Variants in PLAC8L1 observed in about 807,000 individuals in gnomAD.
PLAC8L1 encodes PLAC8 like 1.
Under a neutral mutation model 16.3 loss-of-function variants are expected in PLAC8L1, and 13 were observed. The ratio of observed to expected loss-of-function variants is 0.80; its 90% CI spans 0.52 to 1.27. The LOEUF (loss-of-function observed/expected upper bound fraction) is 1.27. Among genes scored for constraint, PLAC8L1 ranks in the 50% most tolerant of loss-of-function variants. PLAC8L1 has a pLI of 0.00. For missense variants in PLAC8L1, 184 were observed against 220.2 expected (o/e 0.84, Z 1.04); for synonymous variants, 78 against 79.3 (o/e 0.98, Z 0.09).
chr5:146,087,452 C>G (rs1361688915), intron 2 of PLAC8L1, among the ~76,000 whole-genome samples: 4 of 152,186 alleles, frequency 2.6e-5, no homozygotes, highest in Non-Finnish European at 5.9e-5. Context: ...AGACAGTTCT[C>G]CAAAGTATTT....
Position 146,104,757 on chromosome 5 carries a change from T to C in PLAC8L1, c.-446A>G, listed in dbSNP as rs539566728. The C allele has an allele frequency of 6.3e-6, 1 of 158,152 alleles. No homozygotes were observed. Among genetic ancestry groups the C allele is most frequent in the Non-Finnish European group, 1.4e-5 (1 of 72,466 alleles). 9.8% of individuals were successfully genotyped at this position (158,152 alleles called of 1,614,324 possible). ...GTCCAATTCAGCCAGATGATGCAAGTCCCATAGCCAACCCAAAAGCAGGAG... is the reference window on the plus strand; with the variant it reads ...GTCCAATTCAGCCAGATGATGCAAGCCCCATAGCCAACCCAAAAGCAGGAG... On this transcript the variant is annotated 5_prime_UTR_variant, in exon 1 of 4. Transcript: ENST00000311450.
At position 146,098,237 on chromosome 5, in the gene PLAC8L1, T is replaced by G; in HGVS notation, c.175A>C (p.Arg59=). The change falls in exon 2 of 4, where the codon AGG becomes CGG. Residue 59 remains arginine, a synonymous_variant. Transcript: ENST00000311450. ...TGGACAATTGCTGTGATTGTCGTCC[T>G]GCCACTGGCTCCCCGAACAGGCTGC... ...VKQPVRGASG[R]TTITAIVQTG... 1 of 1,614,184 alleles carries G rather than the reference T, an allele frequency of 6.2e-7. No individual in the cohort carries two copies.
Position 146,098,194 on chromosome 5 carries a change from C to T in PLAC8L1, c.218G>A (p.Ser73Asn), listed in dbSNP as rs1039149603. ...TCTGCAGACACTGAAGAGACCGGTGCTCCAGCCCCCGCCAGTCTGGACAAT... is the reference window on the plus strand; with the variant it reads ...TCTGCAGACACTGAAGAGACCGGTGTTCCAGCCCCCGCCAGTCTGGACAAT... ...TAIVQTGGGW[S>N]TGLFSVCRDR... The change falls in exon 2 of 4, where the codon AGC becomes AAC. Residue 73 changes from serine to asparagine, a missense_variant. Coordinates refer to ENST00000311450, the MANE Select transcript of PLAC8L1 (RefSeq NM_001029869.3). 2.5e-6 allele frequency: 4 copies of T among 1,614,072 alleles called. No individual in the cohort carries two copies. Among genetic ancestry groups the T allele is most frequent in the Non-Finnish European group, 3.4e-6 (4 of 1,179,974 alleles).
intron 1 of PLAC8L1, 50 bp from the exon 2 acceptor site, chr5:146,098,342 C>T: frequency 1.3e-6 from 2 of 1,587,878 alleles, no homozygotes; most frequent in Middle Eastern, 1.8e-4. Context: ...TGTTTCAGAA[C>T]AATAACCATT....
chr5:146,099,545 G>C (rs1258005925), intron 1 of PLAC8L1: 1 of 151,798 alleles, frequency 6.6e-6, no homozygotes, highest in Non-Finnish European at 1.5e-5. Flanking sequence ...TGTAGTCACA[G>C]CTATTCAGGA....
At chr5:146,098,674 G>GA (rs1561785264) in intron 1 of PLAC8L1, among the ~76,000 whole-genome samples, 2 of 152,176 alleles carry the variant, frequency 1.3e-5, no homozygotes, top group African/African-American at 4.8e-5. Flanking sequence ...TGGTTCTGAT[G>GA]AAAAAACTAC....
chr5:146,099,189 T>C (rs1054106269), intron 1 of PLAC8L1, among the ~76,000 whole-genome samples: 8 of 151,896 alleles, frequency 5.3e-5, no homozygotes, highest in Admixed American at 6.6e-5. Flanking sequence ...AAGAGTGGGG[T>C]AGAAGGGCCC....
rs372682134 is a variant in PLAC8L1, at chr5:146,085,933, CATCT to C, written c.257-340_257-337del. 5.5e-3 allele frequency among the ~76,000 whole-genome samples: 822 copies of C among 150,126 alleles called. 4 individuals are homozygous for C. Among genetic ancestry groups the C allele is most frequent in the African/African-American group, 0.019 (781 of 40,988 alleles). On this transcript the variant is annotated intron_variant, in intron 2 of 3. Coordinates refer to ENST00000311450, the MANE Select transcript of PLAC8L1 (RefSeq NM_001029869.3). ...TCATAACTGTTGCTTTCATTATGTT[CATCT>C]ATCTAATTTCAATATTTAAAATAAA...
chr5:146,096,567 C>A (rs1763721255), intron 2 of PLAC8L1, among the ~76,000 whole-genome samples: 1 of 152,122 alleles, frequency 6.6e-6, no homozygotes, highest in Non-Finnish European at 1.5e-5. Context: ...CGTTACATGG[C>A]CAGTAAGAGC....
rs1456366632 is a variant in PLAC8L1, at chr5:146,085,368, C to T, written c.393+93G>A. On this transcript the variant is annotated intron_variant, in intron 3 of 3. Coordinates refer to ENST00000311450, the MANE Select transcript of PLAC8L1 (RefSeq NM_001029869.3). ...AGCATGGTATGTTTCAACATCCTCA[C>T]CCACCCTTCTTTTATTTGGAAAATC... 11 of 1,399,800 alleles carry T rather than the reference C, an allele frequency of 7.9e-6. No individual in the cohort carries two copies. In the Admixed American group the frequency reaches 1.6e-4, roughly 21 times the overall value. 86.7% of individuals were successfully genotyped at this position (1,399,800 alleles called of 1,614,324 possible).
rs761242808 is a variant in PLAC8L1 at position 146,104,149 on chromosome 5, A to G, written c.119+44T>C. 8 of 1,604,040 alleles carry G rather than the reference A, an allele frequency of 5.0e-6. No individual in the cohort carries two copies. The East Asian group carries it at 1.3e-4, about 27-fold the overall frequency. On this transcript the variant is annotated intron_variant, in intron 1 of 3. Coordinates refer to ENST00000311450, the MANE Select transcript of PLAC8L1 (RefSeq NM_001029869.3). ...AAGTAGAGGTTGATTCGATAGTCCA[A>G]CTAAAGAGCAAAAGCTAGGGGAAAA...
intron 1 of PLAC8L1, among the ~76,000 whole-genome samples, chr5:146,102,572 G>T (rs543834679): frequency 6.6e-6 from 1 of 152,134 alleles, no homozygotes; most frequent in East Asian, 1.9e-4. Flanking sequence ...TACATATTAC[G>T]CCCAGGGAAT....
At chr5:146,086,008 A>T (rs1763505318) in intron 2 of PLAC8L1, among the ~76,000 whole-genome samples, 1 of 150,240 alleles carries the variant, frequency 6.7e-6, no homozygotes, top group Admixed American at 6.6e-5. Context: ...TATTTCTATA[A>T]GTGTAATTGA....
At chr5:146,088,077 G>A (rs1345917937) in intron 2 of PLAC8L1, among the ~76,000 whole-genome samples, 4 of 152,134 alleles carry the variant, frequency 2.6e-5, no homozygotes, top group Non-Finnish European at 2.9e-5. Flanking sequence ...TCCAACATGG[G>A]TGATTACAAT....
At chr5:146,084,594 T>C (rs1235349111) in intron 3 of PLAC8L1, 22 bp from the exon 4 acceptor site, 3 of 1,612,534 alleles carry the variant, frequency 1.9e-6, no homozygotes, top group East Asian at 2.2e-5. Context: ...CCAGAATCTG[T>C]TCTGTTGTAG....
At chr5:146,087,895 G>A (rs1439645099) in intron 2 of PLAC8L1, among the ~76,000 whole-genome samples, 3 of 152,174 alleles carry the variant, frequency 2.0e-5, no homozygotes, top group Non-Finnish European at 2.9e-5. Context: ...GAAAGAGGAA[G>A]AGAGCAAAGG....
chr5:146,089,739 T>G (rs541914019), intron 2 of PLAC8L1, among the ~76,000 whole-genome samples: 170 of 143,156 alleles, frequency 1.2e-3, no homozygotes, highest in African/African-American at 4.0e-3. Flanking sequence ...AACTTCTTCT[T>G]CTTTTTTTTT....
intron 2 of PLAC8L1, among the ~76,000 whole-genome samples, chr5:146,088,720 A>T (rs544088485): frequency 6.6e-6 from 1 of 152,156 alleles, no homozygotes; most frequent in Non-Finnish European, 1.5e-5. Flanking sequence ...TTCAGTCTCA[A>T]ATAAGACTGG....
At chr5:146,091,972 C>A (rs1300548067) in intron 2 of PLAC8L1, among the ~76,000 whole-genome samples, 4 of 151,876 alleles carry the variant, frequency 2.6e-5, no homozygotes, top group Admixed American at 6.6e-5. Context: ...CACCTAAAGG[C>A]CTGGTGGTTA....
Sources: allele counts gnomAD v4.1 joint callset (sites outside exome capture counted in the v4.1 genomes callset), GRCh38; gene constraint gnomAD v4.1.1; transcripts MANE v1.5; gene names NCBI Gene and HGNC (gene_info 2026-07-23, HGNC 2026-07-21).